STPG2: variants seen among roughly 807,000 people sequenced by gnomAD.
STPG2 encodes sperm-tail PG-rich repeat-containing protein 2.
STPG2 carries 56 observed loss-of-function variants against 54.2 expected under a neutral mutation model. The ratio of observed to expected loss-of-function variants is 1.03; its 90% CI spans 0.83 to 1.29. STPG2 has a LOEUF of 1.29. Among genes scored for constraint, STPG2 ranks in the 50% most tolerant of loss-of-function variants. STPG2 has a pLI of 0.00. For missense variants in STPG2, 596 were observed against 544.9 expected (o/e 1.09, Z -0.93); for synonymous variants, 200 against 181.8 (o/e 1.10, Z -0.81).
downstream of STPG2, among the ~76,000 whole-genome samples, chr4:97,554,741 T>C (rs150958162): frequency 5.9e-5 from 9 of 152,346 alleles, no homozygotes; most frequent in East Asian, 1.5e-3. Flanking sequence ...ATAGTTATGC[T>C]ACCCAACATC....
chr4:97,487,606 A>G lies in STPG2; in HGVS notation c.462+225093T>C, dbSNP rs190203148. On this transcript the variant is annotated intron_variant, in intron 4 of 4. Transcript: ENST00000522676. ...CACTTCATGGTTTCTTAAAATCAGAATATTTTTCTTTCTGAATGCTATGTA... is the reference window on the plus strand; with the variant it reads ...CACTTCATGGTTTCTTAAAATCAGAGTATTTTTCTTTCTGAATGCTATGTA... 4.2e-3 allele frequency among the ~76,000 whole-genome samples: 634 copies of G among 151,618 alleles called. 3 individuals are homozygous for G. Among genetic ancestry groups the G allele is most frequent in the South Asian group, 0.02 (98 of 4,818 alleles).
At chr4:97,446,826 T>A (rs1002173608) in intron 4 of STPG2, among the ~76,000 whole-genome samples, 1 of 152,200 alleles carries the variant, frequency 6.6e-6, no homozygotes, top group Non-Finnish European at 1.5e-5. Context: ...TTAAACCTCT[T>A]TCCTTTATAA....
At chr4:98,013,959 C>T (rs1046718909) in intron 5 of STPG2, among the ~76,000 whole-genome samples, 3 of 151,692 alleles carry the variant, frequency 2.0e-5, no homozygotes, top group African/African-American at 7.3e-5. Context: ...TTTTTCATGT[C>T]TCTATCTCTT....
chr4:97,535,979 C>T (rs1731519400), intron 4 of STPG2, among the ~76,000 whole-genome samples: 1 of 151,896 alleles, frequency 6.6e-6, no homozygotes, highest in Non-Finnish European at 1.5e-5. Context: ...AATTTTTTAG[C>T]TTTAGAGACA....
At chr4:97,557,116 G>T (rs778701324), downstream of STPG2, among the ~76,000 whole-genome samples, 1 of 152,130 alleles carries the variant, frequency 6.6e-6, no homozygotes, top group Non-Finnish European at 1.5e-5. Context: ...GGGAGGCGGA[G>T]GTTGCAGTGA....
chr4:97,557,417 G>A (rs1459425588), downstream of STPG2, among the ~76,000 whole-genome samples: 6 of 152,068 alleles, frequency 3.9e-5, no homozygotes, highest in Non-Finnish European at 8.8e-5. Flanking sequence ...AAGATGTATA[G>A]TATCTATCAT....
intron 5 of STPG2, among the ~76,000 whole-genome samples, chr4:98,067,585 G>C (rs543065463): frequency 2.2e-4 from 33 of 152,180 alleles, no homozygotes; most frequent in Admixed American, 5.9e-4. Context: ...TTTTGGAGCA[G>C]GAAAGGAATG....
intron 8 of STPG2, among the ~76,000 whole-genome samples, chr4:97,879,592 C>T (rs1361031673): frequency 1.3e-5 from 2 of 152,098 alleles, no homozygotes; most frequent in Non-Finnish European, 2.9e-5. Flanking sequence ...CCCCATGATT[C>T]AATTGTCTCT....
intron 3 of STPG2, among the ~76,000 whole-genome samples, chr4:98,120,680 A>T (rs1304673286): frequency 6.6e-6 from 1 of 152,100 alleles, no homozygotes. Context: ...GCTTTTTTGT[A>T]TATGCTTGTT....
chr4:97,937,861 G>C (rs770866344), intron 8 of STPG2, among the ~76,000 whole-genome samples: 28 of 152,282 alleles, frequency 1.8e-4, no homozygotes, highest in Non-Finnish European at 2.1e-4. Flanking sequence ...TGCACAACTG[G>C]GGTGGGCGCA....
At chr4:98,137,798 A>G (rs1442970298) in intron 1 of STPG2, among the ~76,000 whole-genome samples, 1 of 151,902 alleles carries the variant, frequency 6.6e-6, no homozygotes, top group African/African-American at 2.4e-5. Flanking sequence ...TAGAGTATAC[A>G]TATATATGAA....
intron 5 of STPG2, among the ~76,000 whole-genome samples, chr4:98,089,692 C>A (rs1017403145): frequency 6.7e-6 from 1 of 148,624 alleles, no homozygotes; most frequent in Non-Finnish European, 1.5e-5. Flanking sequence ...ATTCCCTTTT[C>A]GCTAGATCCA....
At chr4:98,115,821 C>T (rs1739501649) in intron 3 of STPG2, among the ~76,000 whole-genome samples, 1 of 151,888 alleles carries the variant, frequency 6.6e-6, no homozygotes. Flanking sequence ...AAAATAAAGC[C>T]TTCAGCTACT....
intron 8 of STPG2, among the ~76,000 whole-genome samples, chr4:97,841,460 AT>A (rs1728800262): frequency 6.6e-6 from 1 of 151,776 alleles, no homozygotes; most frequent in African/African-American, 2.4e-5. Context: ...ACCCACATGG[AT>A]ATTAATAAAT....
intron 8 of STPG2, among the ~76,000 whole-genome samples, chr4:97,923,751 A>C (rs1732223849): frequency 6.6e-6 from 1 of 152,068 alleles, no homozygotes; most frequent in African/African-American, 2.4e-5. Context: ...ACCAATCAGC[A>C]CTCTGTGTCT....
intron 8 of STPG2, among the ~76,000 whole-genome samples, chr4:97,902,990 G>A (rs1382538680): frequency 1.3e-5 from 2 of 152,084 alleles, no homozygotes; most frequent in Non-Finnish European, 2.9e-5. Context: ...AAGTTTGCAT[G>A]ATCTCACTTA....
intron 4 of STPG2, among the ~76,000 whole-genome samples, chr4:97,462,980 T>G (rs1180292568): frequency 1.3e-5 from 2 of 152,144 alleles, no homozygotes; most frequent in African/African-American, 4.8e-5. Flanking sequence ...ATTATATATT[T>G]CTTTCTATTC....
chr4:97,639,131 G>A (rs1721672220), intron 10 of STPG2, among the ~76,000 whole-genome samples: 1 of 151,998 alleles, frequency 6.6e-6, no homozygotes, highest in South Asian at 2.1e-4. Flanking sequence ...TTAAGAAAAT[G>A]TGGCACATAT....
At chr4:97,916,758 G>T (rs182098310) in intron 8 of STPG2, 1 of 153,070 alleles carries the variant, frequency 6.5e-6, no homozygotes, top group African/African-American at 2.4e-5. Context: ...TCTGACTATA[G>T]TTCACGCTGA....
Sources: gnomAD v4.1 joint callset for allele counts (sites outside exome capture counted in the v4.1 genomes callset) on GRCh38, gnomAD v4.1.1 for gene constraint, MANE v1.5 for transcripts, NCBI Gene and HGNC (gene_info 2026-07-23, HGNC 2026-07-21) for gene names.